CCDC175: variants seen among roughly 807,000 people sequenced by gnomAD.
CCDC175 encodes coiled-coil domain containing 175.
Under a neutral mutation model 114.6 loss-of-function variants are expected in CCDC175, and 100 were observed. That is an observed-to-expected ratio of 0.87 (90% CI 0.74 to 1.03). The LOEUF (loss-of-function observed/expected upper bound fraction) is 1.03. CCDC175 is among the 50% of genes least tolerant of loss of function. The probability of loss-of-function intolerance (pLI) is 0.00; values close to 1 mark genes in which losing one functional copy is unlikely to be tolerated. For synonymous variants in CCDC175, 306 were observed against 308.7 expected (o/e 0.99, Z 0.09); for missense variants, 880 against 917.8 (o/e 0.96, Z 0.53).
intron 8 of CCDC175, among the ~76,000 whole-genome samples, chr14:59,546,609 GTT>G (rs1228771163): frequency 1.3e-5 from 2 of 151,644 alleles, no homozygotes; most frequent in Non-Finnish European, 3.0e-5. Context: ...TGAAAACCAA[GTT>G]TTGGGTTTTT....
chr14:59,548,015 A>G lies in CCDC175; in HGVS notation c.1036-2716T>C, dbSNP rs148255286. ...ATATCTGTACTTCTATGTTCATTGCAGCACTATTCAGAGTAGCTAAGATGT... is the reference window on the plus strand; with the variant it reads ...ATATCTGTACTTCTATGTTCATTGCGGCACTATTCAGAGTAGCTAAGATGT... On this transcript the variant is annotated intron_variant, in intron 8 of 19. Coordinates refer to ENST00000537690, the MANE Select transcript of CCDC175 (RefSeq NM_001164399.2). Among the ~76,000 whole-genome samples the G allele has an allele frequency of 1.8e-4, 28 of 152,350 alleles. No individual in the cohort carries two copies. In the East Asian group the frequency reaches 5.0e-3, roughly 27 times the overall value.
Position 59,562,902 on chromosome 14 carries a change from A to T in CCDC175, c.843+835T>A, listed in dbSNP as rs549738216. Among the ~76,000 whole-genome samples, 12 of 152,264 alleles carry T rather than the reference A, an allele frequency of 7.9e-5. No individual in the cohort carries two copies. In the South Asian group the frequency reaches 2.5e-3, roughly 32 times the overall value. Reference sequence around the variant, plus strand: ...TTCAAATGCACATATTTGGGAGAAAATTTTCATTTTATTAATGCTTTGTAA... The same window carrying T: ...TTCAAATGCACATATTTGGGAGAAATTTTTCATTTTATTAATGCTTTGTAA... On this transcript the variant is annotated intron_variant, in intron 6 of 19. Transcript: ENST00000537690.
intron 17 of CCDC175, among the ~76,000 whole-genome samples, chr14:59,519,523 A>G (rs1052931311): frequency 6.6e-6 from 1 of 152,248 alleles, no homozygotes; most frequent in Non-Finnish European, 1.5e-5. Context: ...CACCATGAAG[A>G]AAATGAAAAG....
intron 17 of CCDC175, among the ~76,000 whole-genome samples, chr14:59,518,658 T>C (rs1249556595): frequency 1.3e-5 from 2 of 152,162 alleles, no homozygotes; most frequent in East Asian, 3.9e-4. Context: ...CATTAAAAAG[T>C]CAGGAAAAAA....
At chr14:59,514,654 T>C (rs985954508) in intron 17 of CCDC175, among the ~76,000 whole-genome samples, 5 of 151,990 alleles carry the variant, frequency 3.3e-5, no homozygotes, top group African/African-American at 1.2e-4. Context: ...CTCCAAGAAA[T>C]ATGGGAGTAT....
intron 13 of CCDC175, among the ~76,000 whole-genome samples, chr14:59,535,162 T>G (rs1270732841): frequency 6.6e-6 from 1 of 152,162 alleles, no homozygotes; most frequent in Non-Finnish European, 1.5e-5. Context: ...AATTGGGTTA[T>G]TGCTATATAA....
chr14:59,549,416 A>T (rs759040940), intron 8 of CCDC175, among the ~76,000 whole-genome samples: 1 of 152,208 alleles, frequency 6.6e-6, no homozygotes, highest in Admixed American at 6.5e-5. Flanking sequence ...AGCAGGCTGC[A>T]GCAGGAGGAT....
chr14:59,545,378 G>C, intron 8 of CCDC175, 79 bp from the exon 9 acceptor site: 2 of 1,306,186 alleles, frequency 1.5e-6, no homozygotes, highest in Non-Finnish European at 2.1e-6. Context: ...GTGGCAACTC[G>C]GAGAGCACCT....
chr14:59,543,392 T>A lies in CCDC175; in HGVS notation c.1235A>T (p.Asp412Val). ...KEYFLSQKRVDIKNMEEGLIT... is the reference protein window; with the variant it reads ...KEYFLSQKRVVIKNMEEGLIT... ...GAGTCCTTCTTCCATATTTTTGATG[T>A]CTACTCTCTTTTGTGACAGAAAGTA... The change falls in exon 10 of 20, where the codon GAC (aspartate) becomes GTC (valine). Residue 412 changes from aspartate (D) to valine (V), a missense_variant. Transcript: ENST00000537690. The A allele has an allele frequency of 2.0e-6, 3 of 1,482,438 alleles. No homozygotes were observed. The highest frequency in any genetic ancestry group is 2.7e-6 in the Non-Finnish European group (3 of 1,113,402). 91.8% of individuals were successfully genotyped at this position (1,482,438 alleles called of 1,614,324 possible).
chr14:59,513,243 C>T (rs1033114818), intron 17 of CCDC175, among the ~76,000 whole-genome samples: 25 of 152,274 alleles, frequency 1.6e-4, no homozygotes, highest in Admixed American at 8.5e-4. Flanking sequence ...ACGTCAGCGA[C>T]GCAGAAGACG....
chr14:59,507,994 C>T (rs1185260396), intron 19 of CCDC175, among the ~76,000 whole-genome samples: 1 of 152,130 alleles, frequency 6.6e-6, no homozygotes, highest in African/African-American at 2.4e-5. Context: ...TTGCTGAGGG[C>T]CTCACTCCCT....
At chr14:59,508,409 C>CACACACACACACAT (rs1555340464) in intron 19 of CCDC175, among the ~76,000 whole-genome samples, 4 of 143,910 alleles carry the variant, frequency 2.8e-5, no homozygotes, top group African/African-American at 1.0e-4. Flanking sequence ...TACACACACA[C>CACACACACACACAT]ACACACACAC....
chr14:59,553,493 C>T (rs1465898480), intron 7 of CCDC175, among the ~76,000 whole-genome samples: 1 of 152,198 alleles, frequency 6.6e-6, no homozygotes, highest in East Asian at 1.9e-4. Context: ...AGAACCGGCA[C>T]CAGCCACTGC....
chr14:59,565,675 C>A (rs1004582469), intron 4 of CCDC175, among the ~76,000 whole-genome samples: 6 of 151,876 alleles, frequency 4.0e-5, no homozygotes, highest in Non-Finnish European at 8.8e-5. Flanking sequence ...CCACTGCACT[C>A]TAGCCTGAGT....
intron 11 of CCDC175, among the ~76,000 whole-genome samples, chr14:59,539,208 A>T (rs959621582): frequency 6.6e-6 from 1 of 152,250 alleles, no homozygotes; most frequent in African/African-American, 2.4e-5. Flanking sequence ...TGCTACTGAT[A>T]GATTTCAAAC....
intron 7 of CCDC175, among the ~76,000 whole-genome samples, chr14:59,558,571 C>G (rs1241539306): frequency 6.6e-6 from 1 of 152,084 alleles, no homozygotes; most frequent in Non-Finnish European, 1.5e-5. Context: ...GTAGATGGCC[C>G]CTGGGCTTTT....
intron 7 of CCDC175, among the ~76,000 whole-genome samples, 169 bp from the exon 8 acceptor site, chr14:59,551,605 G>T (rs144398533): frequency 1.2e-4 from 19 of 152,186 alleles, no homozygotes; most frequent in African/African-American, 4.1e-4. Context: ...TCACTGGGGC[G>T]TGTTGGACAG....
At position 59,512,873 on chromosome 14, in the gene CCDC175, T is replaced by C. The variant is rs1191617104; in HGVS notation, c.2099-1070A>G. 3.3e-5 allele frequency among the ~76,000 whole-genome samples: 5 copies of C among 150,848 alleles called. No individual in the cohort carries two copies. The East Asian group carries it at 5.9e-4, about 18-fold the overall frequency. ...AGATTAGGTGATTCTAAAATGTATATGGAAATCAAAGAATTTAGAATAGTG... is the reference window on the plus strand; with the variant it reads ...AGATTAGGTGATTCTAAAATGTATACGGAAATCAAAGAATTTAGAATAGTG... On this transcript the variant is annotated intron_variant, in intron 17 of 19. Transcript: ENST00000537690.
chr14:59,561,079 A>G, intron 7 of CCDC175, 40 bp downstream of exon 7: 1 of 1,005,712 alleles, frequency 9.9e-7, no homozygotes, highest in South Asian at 1.4e-5. Flanking sequence ...ATATTAACAT[A>G]TCTCGAAACA....
Sources: gnomAD v4.1 joint callset for allele counts (sites outside exome capture counted in the v4.1 genomes callset) on GRCh38, gnomAD v4.1.1 for gene constraint, MANE v1.5 for transcripts, NCBI Gene and HGNC (gene_info 2026-07-23, HGNC 2026-07-21) for gene names.